The following SMIM36 variants were observed in gnomAD, a reference collection of about 807,000 sequenced individuals.
The protein encoded by SMIM36 is small integral membrane protein 36.
chr17:55,478,510 G>A (rs1909464442), intron 3 of SMIM36, among the ~76,000 whole-genome samples: 1 of 152,124 alleles, frequency 6.6e-6, no homozygotes, highest in South Asian at 2.1e-4. Context: ...GAATGCAGGA[G>A]TGAGCCACCA....
chr17:55,528,540 TTTTTC>T, the SMIM36 span, among the ~76,000 whole-genome samples: 9 of 151,580 alleles, frequency 5.9e-5, no homozygotes, highest in Middle Eastern at 3.4e-3. Context: ...GAAGTCTTTT[TTTTTC>T]TTTTCTTTTC....
At chr17:55,510,583 A>G (rs745640942) in intron 1 of SMIM36, among the ~76,000 whole-genome samples, 3 of 152,120 alleles carry the variant, frequency 2.0e-5, no homozygotes, top group Non-Finnish European at 2.9e-5. Flanking sequence ...ACAGAGCAAG[A>G]CTCTGTCTCT....
At chr17:55,528,481 C>T in the SMIM36 span, among the ~76,000 whole-genome samples, 8 of 151,884 alleles carry the variant, frequency 5.3e-5, no homozygotes, top group East Asian at 1.9e-4. Flanking sequence ...CCTCCCAAGT[C>T]GCTTGGATTA....
At chr17:55,476,661 G>A (rs1461231363) in intron 3 of SMIM36, among the ~76,000 whole-genome samples, 2 of 151,926 alleles carry the variant, frequency 1.3e-5, no homozygotes, top group South Asian at 2.1e-4. Context: ...TCCACCTCCC[G>A]GGTTCAAATA....
chr17:55,451,907 G>C (rs1908925290), intron 4 of SMIM36, among the ~76,000 whole-genome samples: 1 of 151,806 alleles, frequency 6.6e-6, no homozygotes, highest in African/African-American at 2.4e-5. Context: ...GACCAGTCTG[G>C]GCAGCATAGT....
chr17:55,501,433 A>C (rs1909972422), intron 1 of SMIM36, among the ~76,000 whole-genome samples: 1 of 70,074 alleles, frequency 1.4e-5, no homozygotes, highest in African/African-American at 6.7e-5. Flanking sequence ...ATATATTATT[A>C]TATATTATAA....
chr17:55,515,796 A>G (rs985712380), upstream of SMIM36, among the ~76,000 whole-genome samples: 1 of 152,234 alleles, frequency 6.6e-6, no homozygotes, highest in Non-Finnish European at 1.5e-5. Context: ...GAGAGAATAA[A>G]TTCCATTATT....
At chr17:55,457,922 C>G (rs771291761) in intron 4 of SMIM36, among the ~76,000 whole-genome samples, 5 of 152,128 alleles carry the variant, frequency 3.3e-5, no homozygotes, top group African/African-American at 4.8e-5. Flanking sequence ...GTCATTAATC[C>G]AAAGGATGAT....
intron 4 of SMIM36, among the ~76,000 whole-genome samples, chr17:55,451,186 C>G (rs1209723903): frequency 6.6e-6 from 1 of 152,092 alleles, no homozygotes; most frequent in Admixed American, 6.5e-5. Context: ...TGCCCAGCCC[C>G]TAATGGCTTC....
chr17:55,458,462 AC>A (rs1161440817), intron 4 of SMIM36: 2 of 152,202 alleles, frequency 1.3e-5, no homozygotes, highest in African/African-American at 2.4e-5. Flanking sequence ...GATCCACCCC[AC>A]GGACCTAGGT....
the SMIM36 span, among the ~76,000 whole-genome samples, chr17:55,530,772 G>C: frequency 6.7e-6 from 1 of 148,188 alleles, no homozygotes; most frequent in South Asian, 2.1e-4. Flanking sequence ...GACAGAGCTA[G>C]ACTCCGCCTC....
At chr17:55,523,158 G>A in the SMIM36 span, among the ~76,000 whole-genome samples, 1 of 152,122 alleles carries the variant, frequency 6.6e-6, no homozygotes. Flanking sequence ...AAGTTACCAT[G>A]AGGCCATTAA....
intron 4 of SMIM36, among the ~76,000 whole-genome samples, chr17:55,455,790 T>TCAAAAA (rs1441382041): frequency 6.6e-6 from 1 of 151,418 alleles, no homozygotes; most frequent in African/African-American, 2.4e-5. Flanking sequence ...GAGAGCTGTT[T>TCAAAAA]CAAAAACAAA....
the SMIM36 span, among the ~76,000 whole-genome samples, chr17:55,521,756 G>C: frequency 6.6e-6 from 1 of 152,182 alleles, no homozygotes; most frequent in Non-Finnish European, 1.5e-5. Flanking sequence ...AATCCGGAGA[G>C]GGAGGTGCAA....
chr17:55,485,709 T>C (rs964198642), intron 1 of SMIM36, among the ~76,000 whole-genome samples: 6 of 152,378 alleles, frequency 3.9e-5, no homozygotes, highest in Admixed American at 6.5e-5. Flanking sequence ...TGCTTGCTAA[T>C]GAAGTTCTAA....
At chr17:55,460,433 C>CAAA (rs1222808959) in intron 4 of SMIM36, among the ~76,000 whole-genome samples, 212 of 77,644 alleles carry the variant, frequency 2.7e-3, no homozygotes, top group Middle Eastern at 9.4e-3. Flanking sequence ...TGTCTGGAAA[C>CAAA]AAAAAACAAA....
At chr17:55,501,349 T>TAGA (rs1285186691) in intron 1 of SMIM36, among the ~76,000 whole-genome samples, 2 of 86,468 alleles carry the variant, frequency 2.3e-5, no homozygotes, top group African/African-American at 9.5e-5. Flanking sequence ...TTATATATTA[T>TAGA]ATTTTATAAT....
At chr17:55,458,037 A>G (rs539811590) in intron 4 of SMIM36, among the ~76,000 whole-genome samples, 2 of 152,170 alleles carry the variant, frequency 1.3e-5, no homozygotes, top group Admixed American at 6.5e-5. Flanking sequence ...TCTTTTCTCT[A>G]TTGTTTCTCC....
chr17:55,495,596 T>C (rs1488297137), intron 1 of SMIM36, among the ~76,000 whole-genome samples: 5 of 151,786 alleles, frequency 3.3e-5, no homozygotes, highest in Non-Finnish European at 7.4e-5. Flanking sequence ...GAGACAAGCC[T>C]GGGCAACATA....
Sources: allele counts gnomAD v4.1 joint callset (sites outside exome capture counted in the v4.1 genomes callset), GRCh38; gene constraint gnomAD v4.1.1; transcripts MANE v1.5; gene names NCBI Gene and HGNC (gene_info 2026-07-23, HGNC 2026-07-21).